Variants in GSE1 observed in about 807,000 individuals in gnomAD.
GSE1 encodes the protein Gse1 coiled-coil protein, also known as genetic suppressor element 1.
A neutral mutation model predicts 112.6 loss-of-function variants in GSE1; 32 were observed. The ratio of observed to expected loss-of-function variants is 0.28; its 90% CI spans 0.21 to 0.38. The LOEUF (loss-of-function observed/expected upper bound fraction) is 0.38, where lower values mean the gene tolerates loss of function less well. GSE1 is among the 10% of genes least tolerant of loss of function. GSE1 has a pLI of 1.00. For missense variants in GSE1, 2,348 were observed against 1,699.2 expected (o/e 1.38, Z -6.71); for synonymous variants, 1,115 against 735.6 (o/e 1.52, Z -8.35).
intron 2 of GSE1, among the ~76,000 whole-genome samples, chr16:85,473,216 A>C (rs2151850065): frequency 6.6e-6 from 1 of 152,386 alleles, no homozygotes; most frequent in South Asian, 2.1e-4. Context: ...AGCATTGAGT[A>C]AAAGGTACAG....
chr16:85,306,212 A>G (rs1432206136), intron 1 of GSE1: 1 of 154,202 alleles, frequency 6.5e-6, no homozygotes, highest in East Asian at 1.9e-4. Context: ...CAGTTTCCCT[A>G]AAGAACAGTC....
chr16:85,383,852 C>A (rs1446257678), intron 2 of GSE1, among the ~76,000 whole-genome samples: 2 of 152,206 alleles, frequency 1.3e-5, no homozygotes, highest in East Asian at 3.9e-4. Flanking sequence ...TCCTACAGAG[C>A]TTGGGGTCAG....
intron 1 of GSE1, among the ~76,000 whole-genome samples, chr16:85,327,040 C>G (rs1036619374): frequency 4.3e-4 from 66 of 152,264 alleles, no homozygotes; most frequent in African/African-American, 1.6e-3. Context: ...GGAGCATCTA[C>G]TTCCAAGACA....
intron 2 of GSE1, among the ~76,000 whole-genome samples, chr16:85,365,805 A>C (rs2047173853): frequency 6.6e-6 from 1 of 152,238 alleles, no homozygotes; most frequent in Non-Finnish European, 1.5e-5. Context: ...TAGGCTGTGG[A>C]TGGCTTTCAG....
intron 1 of GSE1, among the ~76,000 whole-genome samples, chr16:85,231,933 G>A (rs1363840250): frequency 1.3e-5 from 2 of 152,216 alleles, no homozygotes; most frequent in Non-Finnish European, 2.9e-5. Flanking sequence ...CATCTGGTGG[G>A]TGTCTCTCTG....
chr16:85,376,661 A>C (rs911496591), intron 2 of GSE1, among the ~76,000 whole-genome samples: 1 of 152,220 alleles, frequency 6.6e-6, no homozygotes, highest in Non-Finnish European at 1.5e-5. Context: ...AGGCCAGCCC[A>C]GAGGGAGAGA....
chr16:85,181,692 G>T (rs964743817), intron 1 of GSE1, among the ~76,000 whole-genome samples: 1 of 152,226 alleles, frequency 6.6e-6, no homozygotes, highest in Non-Finnish European at 1.5e-5. Context: ...GGGAGTGACA[G>T]TGATAAGGGC....
At chr16:85,519,303 CCAT>C (rs2052062580) in intron 2 of GSE1, among the ~76,000 whole-genome samples, 1 of 136,362 alleles carries the variant, frequency 7.3e-6, no homozygotes, top group African/African-American at 2.5e-5. Context: ...TCACCGGTCT[CCAT>C]CATCATCACC....
chr16:85,170,581 C>T, exon 1 of GSE1: 1 of 985,586 alleles, frequency 1.0e-6, no homozygotes, highest in Non-Finnish European at 1.2e-6. Flanking sequence ...TGGCCGTGTC[C>T]CCCGGGCTCT....
At chr16:85,268,316 C>T (rs559536014) in intron 1 of GSE1, among the ~76,000 whole-genome samples, 2 of 152,262 alleles carry the variant, frequency 1.3e-5, no homozygotes, top group African/African-American at 4.8e-5. Flanking sequence ...CCGCAGTCCT[C>T]CTCCTGATAA....
chr16:85,235,001 C>G (rs1465730035), intron 1 of GSE1, among the ~76,000 whole-genome samples: 1 of 152,042 alleles, frequency 6.6e-6, no homozygotes, highest in Admixed American at 6.5e-5. Context: ...CCTGATCCCC[C>G]TCCTGGCTCC....
At chr16:85,531,590 G>A (rs1399472575) in intron 2 of GSE1, among the ~76,000 whole-genome samples, 1 of 152,216 alleles carries the variant, frequency 6.6e-6, no homozygotes, top group Non-Finnish European at 1.5e-5. Flanking sequence ...GAATGTTCTG[G>A]AACAGTGGCT....
chr16:85,562,661 C>A (rs4072700), intron 1 of GSE1, among the ~76,000 whole-genome samples: 82,879 of 152,048 alleles, frequency 0.55, 23,081 homozygotes, highest in East Asian at 0.79. Context: ...GACTTGGCCT[C>A]CTGCTTTGAG....
upstream of GSE1, among the ~76,000 whole-genome samples, chr16:85,552,482 T>A (rs62050024): frequency 6.4e-5 from 8 of 125,514 alleles, 1 homozygote; most frequent in Non-Finnish European, 1.4e-4. Context: ...CAGGCGCCCG[T>A]CACCACGCCC....
chr16:85,340,598 G>A (rs569711765), intron 1 of GSE1, among the ~76,000 whole-genome samples: 12 of 152,132 alleles, frequency 7.9e-5, no homozygotes, highest in African/African-American at 2.2e-4. Flanking sequence ...CCAAGATCGC[G>A]TCACTGTACT....
At chr16:85,258,813 G>A (rs1010372230) in intron 1 of GSE1, among the ~76,000 whole-genome samples, 3 of 152,190 alleles carry the variant, frequency 2.0e-5, no homozygotes, top group Non-Finnish European at 4.4e-5. Flanking sequence ...TTTAGCCTCT[G>A]CCCCTTGTGG....
chr16:85,348,996 G>A (rs982725740), intron 1 of GSE1, among the ~76,000 whole-genome samples: 3 of 152,028 alleles, frequency 2.0e-5, no homozygotes, highest in Non-Finnish European at 4.4e-5. Context: ...CGCTGCAGCC[G>A]GAGCGGCCCT....
At chr16:85,174,019 T>C (rs7190506) in intron 1 of GSE1, among the ~76,000 whole-genome samples, 151,086 of 152,284 alleles carry the variant, frequency 0.99, 74,956 homozygotes, top group East Asian at 1. Context: ...GTATCTGAGG[T>C]GGGTTTTGAA....
chr16:85,628,664 A>G (rs1402950360), intron 1 of GSE1, among the ~76,000 whole-genome samples: 1 of 152,164 alleles, frequency 6.6e-6, no homozygotes, highest in Non-Finnish European at 1.5e-5. Flanking sequence ...GGCGGTGCTG[A>G]CTTCGTGCCG....
Sources: gnomAD v4.1 joint callset for allele counts (sites outside exome capture counted in the v4.1 genomes callset) on GRCh38, gnomAD v4.1.1 for gene constraint, MANE v1.5 for transcripts, NCBI Gene and HGNC (gene_info 2026-07-23, HGNC 2026-07-21) for gene names.